The following FLACC1 variants were observed in gnomAD, a reference collection of about 807,000 sequenced individuals.
The protein encoded by FLACC1 is flagellum-associated coiled-coil domain-containing protein 1.
FLACC1 carries 66 observed loss-of-function variants against 62.8 expected under a neutral mutation model. That is an observed-to-expected ratio of 1.05 (90% CI 0.86 to 1.29). The LOEUF is 1.29. Among genes scored for constraint, FLACC1 ranks in the 50% most tolerant of loss-of-function variants. FLACC1 has a pLI of 0.00. For synonymous variants in FLACC1, 156 were observed against 161.0 expected (o/e 0.97, Z 0.24); for missense variants, 452 against 489.1 (o/e 0.92, Z 0.71).
chr2:201,358,220 A>T (rs1576490208), upstream of FLACC1, among the ~76,000 whole-genome samples: 1 of 152,290 alleles, frequency 6.6e-6, no homozygotes, highest in East Asian at 1.9e-4. Context: ...GCTCAATAAA[A>T]GCATAATTAA....
upstream of FLACC1, among the ~76,000 whole-genome samples, chr2:201,361,073 A>G (rs1254705817): frequency 6.6e-6 from 1 of 152,176 alleles, no homozygotes; most frequent in Non-Finnish European, 1.5e-5. Context: ...GCAAGACTCC[A>G]TCTCAGAAGA....
At chr2:201,338,548 A>G (rs1482668021) in intron 7 of FLACC1, among the ~76,000 whole-genome samples, 1 of 152,154 alleles carries the variant, frequency 6.6e-6, no homozygotes, top group African/African-American at 2.4e-5. Context: ...TGTCATATAC[A>G]GCCTTTGTTA....
intron 7 of FLACC1, among the ~76,000 whole-genome samples, chr2:201,340,409 T>C (rs565450292): frequency 6.6e-6 from 1 of 152,336 alleles, no homozygotes; most frequent in East Asian, 1.9e-4. Flanking sequence ...AAGATTTTTA[T>C]CTTTGTGGTT....
intron 11 of FLACC1, among the ~76,000 whole-genome samples, chr2:201,305,146 A>T (rs1272468818): frequency 6.6e-6 from 1 of 152,252 alleles, no homozygotes; most frequent in Non-Finnish European, 1.5e-5. Flanking sequence ...GTGAACATGC[A>T]ACCTACAGAA....
chr2:201,289,602 A>C (rs764596585), intron 13 of FLACC1, 36 bp from the exon 14 acceptor site: 2 of 1,613,134 alleles, frequency 1.2e-6, no homozygotes, highest in African/African-American at 1.3e-5. Flanking sequence ...ATCTTCCCCA[A>C]CCCAGAGCCA....
chr2:201,330,470 C>T lies in FLACC1; in HGVS notation c.675G>A (p.Gln225=). Residue 225 remains glutamine (Q), a splice_region_variant and synonymous_variant, in exon 9 of 15, where the codon CAG becomes CAA. Coordinates refer to ENST00000392257, the MANE Select transcript of FLACC1 (RefSeq NM_001127391.3). ...TCCAACAGGGAGCTGTGTATCTCAC[C>T]TGATACGTACGAAACATATTCTTCA... ...KYLKNMFRTY[Q]DSIYDEMEEK... is the part of the protein sequence containing the mutation. The T allele has an allele frequency of 6.2e-7, 1 of 1,613,394 alleles. No individual in the cohort carries two copies. The highest frequency in any genetic ancestry group is 2.2e-5 in the East Asian group (1 of 44,868).
intron 5 of FLACC1, among the ~76,000 whole-genome samples, chr2:201,344,957 G>A (rs891943430): frequency 2.0e-5 from 3 of 152,204 alleles, no homozygotes; most frequent in African/African-American, 7.2e-5. Context: ...GGAGATACAG[G>A]AGGAGACAGT....
In FLACC1 at chr2:201,299,303, A is replaced by C; in HGVS notation, c.880-3T>G. ...CTTTGATGTTGTTTCAAGAGCTCCT[A>C]AAAACAATTTTATTGGGAAAAGGTT... On this transcript the variant is annotated splice_polypyrimidine_tract_variant and splice_region_variant and intron_variant, in intron 11 of 14. Transcript: ENST00000392257. 6.2e-7 allele frequency: 1 copy of C among 1,613,492 alleles called. No homozygotes were observed. The highest frequency in any genetic ancestry group is 8.5e-7 in the Non-Finnish European group (1 of 1,179,644).
intron 11 of FLACC1, among the ~76,000 whole-genome samples, chr2:201,300,652 G>A (rs905295323): frequency 9.2e-5 from 14 of 152,258 alleles, no homozygotes; most frequent in African/African-American, 3.1e-4. Context: ...CCCCCGAGAA[G>A]CCTAACTGGG....
At position 201,333,299 on chromosome 2, in the gene FLACC1, G is replaced by C. The variant is rs558634483; in HGVS notation, c.525-2466C>G. On this transcript the variant is annotated intron_variant, in intron 7 of 14. Transcript: ENST00000392257. ...TGGTTTTAATTTGCATTTCCCTAATGATTAGCAATATTGAGCATTTTTTCA... is the reference window on the plus strand; with the variant it reads ...TGGTTTTAATTTGCATTTCCCTAATCATTAGCAATATTGAGCATTTTTTCA... Among the ~76,000 whole-genome samples, 3 of 152,134 alleles carry C rather than the reference G, an allele frequency of 2.0e-5. No homozygotes were observed. In the South Asian group the frequency reaches 6.2e-4, roughly 32 times the overall value.
intron 7 of FLACC1, among the ~76,000 whole-genome samples, chr2:201,340,125 T>C (rs890847280): frequency 1.3e-5 from 2 of 152,218 alleles, no homozygotes; most frequent in Non-Finnish European, 2.9e-5. Flanking sequence ...TCATGTGCCT[T>C]ACAGGTGACA....
intron 12 of FLACC1, among the ~76,000 whole-genome samples, chr2:201,297,117 G>A (rs944418671): frequency 6.6e-6 from 1 of 152,098 alleles, no homozygotes; most frequent in Non-Finnish European, 1.5e-5. Context: ...TGAGGGAGTT[G>A]ACAATTTGGG....
intron 12 of FLACC1, among the ~76,000 whole-genome samples, chr2:201,298,690 C>T (rs1015711617): frequency 2.6e-5 from 4 of 152,214 alleles, no homozygotes; most frequent in Non-Finnish European, 4.4e-5. Context: ...TTTTCTCAAA[C>T]GTGTCCATTC....
chr2:201,341,065 G>A (rs1186455878), intron 7 of FLACC1, among the ~76,000 whole-genome samples: 1 of 152,108 alleles, frequency 6.6e-6, no homozygotes, highest in African/African-American at 2.4e-5. Flanking sequence ...TGATTATTAT[G>A]TGTCTTGGTG....
At chr2:201,353,975 A>C (rs1329405765) in intron 1 of FLACC1, among the ~76,000 whole-genome samples, 3 of 152,258 alleles carry the variant, frequency 2.0e-5, no homozygotes, top group Admixed American at 6.5e-5. Context: ...CAGAAGCATT[A>C]AAGTGATAGC....
At chr2:201,321,014 A>G (rs1036474396) in intron 9 of FLACC1, among the ~76,000 whole-genome samples, 1 of 152,196 alleles carries the variant, frequency 6.6e-6, no homozygotes, top group African/African-American at 2.4e-5. Flanking sequence ...TGCCTGCACC[A>G]TTCTGGCTAA....
chr2:201,350,210 C>A (rs1335749894), intron 3 of FLACC1, among the ~76,000 whole-genome samples: 1 of 152,128 alleles, frequency 6.6e-6, no homozygotes, highest in Non-Finnish European at 1.5e-5. Context: ...CATGGTGAAA[C>A]CCCGTCGTTA....
intron 7 of FLACC1, among the ~76,000 whole-genome samples, chr2:201,340,978 C>T (rs1232695027): frequency 3.3e-5 from 5 of 152,142 alleles, no homozygotes; most frequent in African/African-American, 7.2e-5. Context: ...ATTGTATTGG[C>T]ACTCCTTTGT....
rs1950915430 is a variant in FLACC1, at chr2:201,346,440, G to C, written c.368+102C>G. ...TGCGGCCCCTCCAGAGCAGGGACCA[G>C]TGGCCTGGGTGTGGGCATAGCGGCT... On this transcript the variant is annotated intron_variant, in intron 5 of 14. Coordinates refer to ENST00000392257, the MANE Select transcript of FLACC1 (RefSeq NM_001127391.3). The surrounding 1 kb of genome is among the most constrained non-coding windows in gnomAD (Gnocchi z 4.0). 1 of 1,541,442 alleles carries C rather than the reference G, an allele frequency of 6.5e-7. No homozygotes were observed. The highest frequency in any genetic ancestry group is 8.8e-7 in the Non-Finnish European group (1 of 1,142,644).
Sources: gnomAD v4.1 joint callset for allele counts (sites outside exome capture counted in the v4.1 genomes callset) on GRCh38, gnomAD v4.1.1 for gene constraint, Gnocchi (gnomAD v3.1) non-coding constraint, MANE v1.5 for transcripts, NCBI Gene and HGNC (gene_info 2026-07-23, HGNC 2026-07-21) for gene names.